KIF1C: variants seen among roughly 807,000 people sequenced by gnomAD.
KIF1C encodes the protein kinesin family member 1C, also known as kinesin-like protein KIF1C.
A neutral mutation model predicts 126.5 loss-of-function variants in KIF1C; 61 were observed. That is an observed-to-expected ratio of 0.48 (90% confidence interval 0.39 to 0.60). KIF1C has a LOEUF of 0.60. KIF1C is among the 20% of genes least tolerant of loss of function. The probability of loss-of-function intolerance (pLI) is 0.00; values close to 1 mark genes in which losing one functional copy is unlikely to be tolerated. For missense variants in KIF1C, 1,315 were observed against 1,489.2 expected, an observed-to-expected ratio of 0.88 and a Z score of 1.93; for synonymous variants, 640 against 580.6, an observed-to-expected ratio of 1.10 and a Z score of -1.47.
At chr17:5,014,028 C>G (rs1355236897) in intron 17 of KIF1C, among the ~76,000 whole-genome samples, 2 of 152,220 alleles carry the variant, frequency 1.3e-5, no homozygotes, top group Non-Finnish European at 1.5e-5. Context: ...TTGCCTTGGC[C>G]TCCCTTGGTG....
At chr17:4,999,644 G>GCA (rs1974523895) in intron 1 of KIF1C, among the ~76,000 whole-genome samples, 1 of 151,980 alleles carries the variant, frequency 6.6e-6, no homozygotes, top group South Asian at 2.1e-4. Context: ...TCCTCTATCT[G>GCA]AACGTTCAGT....
Position 5,004,991 on chromosome 17 carries a change from GCT to G in KIF1C, c.1159_1160del (p.Leu387GlyfsTer33). 6.2e-7 allele frequency: 1 copy of G among 1,614,236 alleles called. No homozygotes were observed. Among genetic ancestry groups the G allele is most frequent in the Non-Finnish European group, 8.5e-7 (1 of 1,180,040 alleles). Reference sequence around the variant, plus strand: ...GATGGCTCAGGGACTGTCAGCCTCTGCTCTGGAAGGTCGAGGTTCCAGGGAGG... The same window carrying G: ...GATGGCTCAGGGACTGTCAGCCTCTGCTGGAAGGTCGAGGTTCCAGGGAGG... ...LLMAQGLSASALEGLKTEEGS... is the reference protein window; with the variant it reads ...LLMAQGLSASXLEGLKTEEGS... On this transcript the variant is annotated frameshift_variant, in exon 13 of 23. Coordinates refer to ENST00000320785, the MANE Select transcript of KIF1C (RefSeq NM_006612.6). LOFTEE classifies it high-confidence loss of function.
intron 16 of KIF1C, among the ~76,000 whole-genome samples, chr17:5,008,520 C>A (rs1319372568): frequency 6.6e-6 from 1 of 152,224 alleles, no homozygotes; most frequent in Non-Finnish European, 1.5e-5. Context: ...CAGACAGTGT[C>A]ACTGGGGGCT....
intron 16 of KIF1C, among the ~76,000 whole-genome samples, chr17:5,008,167 T>G (rs548952220): frequency 6.6e-6 from 1 of 152,282 alleles, no homozygotes; most frequent in East Asian, 1.9e-4. Flanking sequence ...CCGCCAGGTT[T>G]TAGGTACCTA....
intron 16 of KIF1C, among the ~76,000 whole-genome samples, chr17:5,013,010 T>C (rs2143351853): frequency 6.6e-6 from 1 of 152,234 alleles, no homozygotes; most frequent in East Asian, 1.9e-4. Flanking sequence ...AGGCTTGAGG[T>C]GAAGCAGCCC....
At chr17:5,004,136 C>T in intron 11 of KIF1C, 63 bp downstream of exon 11, 1 of 1,154,756 alleles carries the variant, frequency 8.7e-7, no homozygotes. Flanking sequence ...TTTGATACAT[C>T]TGACAAATCC....
At chr17:5,004,819 C>G in intron 12 of KIF1C, 36 bp from the exon 13 acceptor site, 1 of 1,613,852 alleles carries the variant, frequency 6.2e-7, no homozygotes, top group East Asian at 2.2e-5. Flanking sequence ...GTCCCCTGCC[C>G]CCAGGCCTCA....
chr17:5,007,180 A>G (rs542314651), intron 14 of KIF1C, 83 bp from the exon 15 acceptor site: 1 of 1,565,952 alleles, frequency 6.4e-7, no homozygotes, highest in East Asian at 2.3e-5. Context: ...TTCTAGGAGT[A>G]GCATGGCCCC....
intron 18 of KIF1C, among the ~76,000 whole-genome samples, chr17:5,018,771 G>A (rs1975031221): frequency 6.6e-6 from 1 of 151,930 alleles, no homozygotes; most frequent in Admixed American, 6.6e-5. Context: ...CTTGTTTATT[G>A]TCTGTCTTAC....
intron 16 of KIF1C, among the ~76,000 whole-genome samples, chr17:5,011,020 A>G (rs1338328537): frequency 3.3e-5 from 5 of 152,024 alleles, no homozygotes; most frequent in Non-Finnish European, 7.4e-5. Flanking sequence ...GGTAACATAC[A>G]AGAGAGCCCA....
Position 5,022,245 on chromosome 17 carries a change from C to A in KIF1C, c.2164C>A (p.Pro722Thr), listed in dbSNP as rs1435397417. 2 of 1,614,164 alleles carry A rather than the reference C, an allele frequency of 1.2e-6. No individual in the cohort carries two copies. Reference sequence around the variant, plus strand: ...GCCCAGCAGTGGCAAGCGCAGGGCCCCTCGCAGGGTTTATCAGATCCCCCA... The same window carrying A: ...GCCCAGCAGTGGCAAGCGCAGGGCCACTCGCAGGGTTTATCAGATCCCCCA... ...GLPSSGKRRAPRRVYQIPQRR... is the reference protein window; with the variant it reads ...GLPSSGKRRATRRVYQIPQRR... The change falls in exon 22 of 23, where the codon CCT becomes ACT. Residue 722 changes from proline (P) to threonine (T), a missense_variant. Pro to Thr is a conservative substitution (Grantham distance 38, BLOSUM62 -1). Transcript: ENST00000320785. The surrounding 1 kb of genome is among the most constrained non-coding windows in gnomAD (Gnocchi z 4.9).
In KIF1C at chr17:5,022,181, G is replaced by A. The variant is rs763581921; in HGVS notation, c.2100G>A (p.Pro700=). ...RLISSLREQL[P]PTTVQTIVKR... is the part of the protein sequence containing the mutation. ...TCTCCTCCTTGCGGGAGCAGCTGCC[G>A]CCCACCACGGTCCAGACCATTGTCA... Residue 700 remains proline, a synonymous_variant, in exon 22 of 23, where the codon CCG becomes CCA. Transcript: ENST00000320785. This position sits in a 1 kb window ranked among gnomAD's most constrained non-coding sequence, Gnocchi z 4.9. 9.3e-6 allele frequency: 15 copies of A among 1,613,900 alleles called. No individual in the cohort carries two copies. Among genetic ancestry groups the A allele is most frequent in the East Asian group, 2.2e-5 (1 of 44,898 alleles).
chr17:5,015,029 A>C (rs1974943225), intron 18 of KIF1C, among the ~76,000 whole-genome samples, 192 bp downstream of exon 18: 1 of 152,108 alleles, frequency 6.6e-6, no homozygotes, highest in Non-Finnish European at 1.5e-5. Context: ...AGCCCTCTGC[A>C]CCCACCCTGA....
chr17:5,000,950 A>T (rs1974574453), intron 4 of KIF1C, 102 bp downstream of exon 4: 2 of 1,218,120 alleles, frequency 1.6e-6, no homozygotes, highest in South Asian at 1.2e-5. Context: ...GGGATTAGTC[A>T]GGGTGAATTG....
At chr17:5,021,914 T>C (rs1330435696) in intron 21 of KIF1C, among the ~76,000 whole-genome samples, 178 bp from the exon 22 acceptor site, 1 of 152,172 alleles carries the variant, frequency 6.6e-6, no homozygotes, top group African/African-American at 2.4e-5. Flanking sequence ...ACTATCTCTG[T>C]TGTCTAGAAG....
Position 5,022,298 on chromosome 17 carries a change from C to T in KIF1C, c.2217C>T (p.Pro739=). The change falls in exon 22 of 23, where the codon CCC becomes CCT. Residue 739 remains proline (P), a synonymous_variant. Coordinates refer to ENST00000320785, the MANE Select transcript of KIF1C (RefSeq NM_006612.6). The surrounding 1 kb of genome is among the most constrained non-coding windows in gnomAD (Gnocchi z 4.9). The part of the protein sequence containing the change: ...PQRRRLQGKD[P]RWATMADLKM... ...GACGCAGGCTGCAGGGCAAAGACCC[C>T]CGCTGGGCCACCATGGCTGACCTGA... 3.7e-6 allele frequency: 6 copies of T among 1,612,042 alleles called. No individual in the cohort carries two copies. The highest frequency in any genetic ancestry group is 4.2e-6 in the Non-Finnish European group (5 of 1,179,096).
At chr17:5,021,169 G>GTT (rs765920431) in intron 21 of KIF1C, among the ~76,000 whole-genome samples, 11,395 of 77,434 alleles carry the variant, frequency 0.15, 565 homozygotes, top group Non-Finnish European at 0.2. Context: ...GATTGTTGTG[G>GTT]TTTTTTTTTT....
In KIF1C at chr17:5,020,644, C is replaced by G. The variant is rs943680163; in HGVS notation, c.1903C>G (p.Gln635Glu). ...TGCCCAGAAGGAACTGCTGGAGCAG[C>G]AAGGCATCGACATAAAGCTGGAAAT... ...NFAQKELLEQQGIDIKLEMEK... is the reference protein window; with the variant it reads ...NFAQKELLEQEGIDIKLEMEK... The change falls in exon 20 of 23, where the codon CAA (glutamine) becomes GAA (glutamate). Residue 635 changes from glutamine to glutamate, a missense_variant. Physicochemically the swap from Gln to Glu is conservative, Grantham distance 29. Around this residue, in one of 2 missense-constraint regions of KIF1C, gnomAD observed 874 missense variants for 1,053.2 expected, o/e 0.83. Coordinates refer to ENST00000320785, the MANE Select transcript of KIF1C (RefSeq NM_006612.6). This position sits in a 1 kb window ranked among gnomAD's most constrained non-coding sequence, Gnocchi z 5.8. The G allele has an allele frequency of 1.9e-6, 3 of 1,614,046 alleles. No individual in the cohort carries two copies. The highest frequency in any genetic ancestry group is 2.5e-6 in the Non-Finnish European group (3 of 1,180,000).
chr17:5,007,922 C>CA (rs1490302854), intron 16 of KIF1C, among the ~76,000 whole-genome samples: 1 of 152,184 alleles, frequency 6.6e-6, no homozygotes, highest in Non-Finnish European at 1.5e-5. Context: ...GAGGCATGAG[C>CA]ACTACATTGT....
Sources: gnomAD v4.1 joint callset for allele counts (sites outside exome capture counted in the v4.1 genomes callset) on GRCh38, gnomAD v4.1.1 for gene constraint, gnomAD v4.1.1 regional missense constraint, Gnocchi (gnomAD v3.1) non-coding constraint, MANE v1.5 for transcripts, NCBI Gene and HGNC (gene_info 2026-07-23, HGNC 2026-07-21) for gene names.